Variants in ZPBP observed in about 807,000 individuals in gnomAD.
The protein encoded by ZPBP is zona pellucida binding protein.
In ZPBP, 26 loss-of-function variants were observed where a neutral mutation model predicts 44.8. The observed-to-expected ratio is 0.58, with a 90% confidence interval of 0.43 to 0.81. The LOEUF (loss-of-function observed/expected upper bound fraction) is 0.81. ZPBP is among the 30% of genes least tolerant of loss of function. ZPBP has a pLI of 0.00. For synonymous variants in ZPBP, 174 were observed against 153.2 expected (o/e 1.14, Z -1.00); for missense variants, 409 against 434.0 (o/e 0.94, Z 0.51).
At chr7:50,051,321 T>A (rs1800683080) in intron 4 of ZPBP, among the ~76,000 whole-genome samples, 1 of 152,158 alleles carries the variant, frequency 6.6e-6, no homozygotes, top group Non-Finnish European at 1.5e-5. Flanking sequence ...AGGAACACTT[T>A]TACACTGTTG....
chr7:49,897,657 A>T (rs971869942), intron 2 of ZPBP, among the ~76,000 whole-genome samples: 5 of 152,242 alleles, frequency 3.3e-5, no homozygotes, highest in Admixed American at 6.5e-5. Context: ...AGAGACCTGT[A>T]GGCAAATACA....
intron 7 of ZPBP, among the ~76,000 whole-genome samples, chr7:49,944,729 C>G (rs1795029348): frequency 6.6e-6 from 1 of 152,082 alleles, no homozygotes; most frequent in South Asian, 2.1e-4. Flanking sequence ...ACTGTTTTAT[C>G]TGATTTTATT....
intron 3 of ZPBP, among the ~76,000 whole-genome samples, 196 bp from the exon 4 acceptor site, chr7:50,058,337 A>G (rs1801074998): frequency 6.6e-6 from 1 of 152,206 alleles, no homozygotes; most frequent in Non-Finnish European, 1.5e-5. Flanking sequence ...GATGTTCACT[A>G]ATCAGAGTTC....
chr7:50,091,943 G>A (rs918757392), intron 1 of ZPBP, among the ~76,000 whole-genome samples: 1 of 152,242 alleles, frequency 6.6e-6, no homozygotes, highest in South Asian at 2.1e-4. Context: ...TTAAACTCTA[G>A]GAGCTTCAGT....
intron 6 of ZPBP, among the ~76,000 whole-genome samples, chr7:49,986,638 CT>C (rs57576804): frequency 0.028 from 4,151 of 150,112 alleles, 206 homozygotes; most frequent in African/African-American, 0.096. Flanking sequence ...AGCTGTTTTT[CT>C]TTTTTTTTTC....
At chr7:50,000,363 A>G (rs1256842490) in intron 6 of ZPBP, among the ~76,000 whole-genome samples, 1 of 152,202 alleles carries the variant, frequency 6.6e-6, no homozygotes, top group African/African-American at 2.4e-5. Flanking sequence ...ACTCTGAAAG[A>G]AAAGAAAATT....
At chr7:50,054,868 A>ACACAGAGCT (rs1380849311) in intron 4 of ZPBP, among the ~76,000 whole-genome samples, 1 of 152,298 alleles carries the variant, frequency 6.6e-6, no homozygotes, top group East Asian at 1.9e-4. Flanking sequence ...ACATACACAC[A>ACACAGAGCT]CACAGAGCTC....
At chr7:49,933,795 C>T (rs1794533315), downstream of ZPBP, among the ~76,000 whole-genome samples, 3 of 151,244 alleles carry the variant, frequency 2.0e-5, no homozygotes, top group South Asian at 2.1e-4. Flanking sequence ...AGCAAACTAT[C>T]GCAAGGACAA....
At position 49,877,907 on chromosome 7, in the gene ZPBP, T is replaced by C. The variant is rs553770979; in HGVS notation, n.509+23211A>G. Among the ~76,000 whole-genome samples the C allele has an allele frequency of 1.8e-4, 27 of 152,156 alleles. 1 individual carries two copies. In the South Asian group the frequency reaches 5.6e-3, roughly 32 times the overall value. ...CCTGACCTTGCATCTGGGCAAAATG[T>C]TTTGGGTCTAGTTGAAAAACATAGG... On this transcript the variant is annotated intron_variant and non_coding_transcript_variant, in intron 2 of 2. Coordinates refer to the ZPBP transcript ENST00000465922.
At chr7:50,018,424 A>G (rs1798926329) in intron 5 of ZPBP, 108 bp from the exon 6 acceptor site, 1 of 940,398 alleles carries the variant, frequency 1.1e-6, no homozygotes, top group East Asian at 2.7e-5. Flanking sequence ...TTCCATTAAA[A>G]TATTAAGCAA....
intron 1 of ZPBP, chr7:49,918,696 A>G (rs1793852620): frequency 6.6e-6 from 1 of 152,194 alleles, no homozygotes; most frequent in Admixed American, 6.5e-5. Flanking sequence ...CAAATTTCAT[A>G]TTCTTTTATC....
intron 6 of ZPBP, among the ~76,000 whole-genome samples, chr7:50,002,418 CATT>C (rs2128795480): frequency 1.3e-5 from 2 of 152,204 alleles, no homozygotes; most frequent in African/African-American, 4.8e-5. Context: ...GACAGGGTAT[CATT>C]ATGTTTCCCA....
At chr7:50,089,856 C>G in intron 1 of ZPBP, 147 bp from the exon 2 acceptor site, 1 of 664,278 alleles carries the variant, frequency 1.5e-6, no homozygotes, top group Non-Finnish European at 2.7e-6. Flanking sequence ...AACTCTATTC[C>G]CCCTCAGATG....
At chr7:49,989,630 A>T (rs1797472924) in intron 6 of ZPBP, among the ~76,000 whole-genome samples, 1 of 152,206 alleles carries the variant, frequency 6.6e-6, no homozygotes, top group South Asian at 2.1e-4. Context: ...ATTTGTCATC[A>T]AAATCTACAT....
Position 50,018,255 on chromosome 7 carries a change from G to A in ZPBP, c.768C>T (p.Tyr256=), listed in dbSNP as rs753970341. ...KRCTDHNCEP[Y]KRLFKAKNLI... is the part of the protein sequence containing the mutation. ...CATAACATACCTTAAAAAGTCTTTTGTAAGGTTCACAGTTATGGTCTGTAC... is the reference window on the plus strand; with the variant it reads ...CATAACATACCTTAAAAAGTCTTTTATAAGGTTCACAGTTATGGTCTGTAC... The change falls in exon 6 of 8, where the codon TAC becomes TAT. Residue 256 remains tyrosine, a synonymous_variant. Coordinates refer to ENST00000046087, the MANE Select transcript of ZPBP (RefSeq NM_007009.3). 1 of 1,610,080 alleles carries A rather than the reference G, an allele frequency of 6.2e-7. No individual in the cohort carries two copies. The highest frequency in any genetic ancestry group is 8.5e-7 in the Non-Finnish European group (1 of 1,178,422).
chr7:50,066,389 G>A (rs1331130968), intron 3 of ZPBP, among the ~76,000 whole-genome samples: 1 of 151,094 alleles, frequency 6.6e-6, no homozygotes, highest in Non-Finnish European at 1.5e-5. Context: ...CTGGTTGTAT[G>A]TGCAGGTTCC....
chr7:49,961,659 G>A (rs1192695053), intron 7 of ZPBP, among the ~76,000 whole-genome samples: 3 of 152,046 alleles, frequency 2.0e-5, no homozygotes, highest in Non-Finnish European at 4.4e-5. Flanking sequence ...CATTTATTTT[G>A]TGGTTATCAT....
chr7:50,051,474 A>G (rs1252134442), intron 4 of ZPBP, among the ~76,000 whole-genome samples: 1 of 152,210 alleles, frequency 6.6e-6, no homozygotes, highest in South Asian at 2.1e-4. Flanking sequence ...TTACGAGGAT[A>G]CATGCACTGA....
rs569619106 is a variant in ZPBP, at chr7:49,969,158, AT to A, written c.961+14183del. On this transcript the variant is annotated intron_variant, in intron 7 of 7. Transcript: ENST00000046087. ...ATTTATATATTTAGTATTTATACAT[AT>A]TTTTATACATACATATATAATACAA... Among the ~76,000 whole-genome samples the A allele has an allele frequency of 4.6e-3, 686 of 149,366 alleles. 4 individuals carry two copies. The highest frequency in any genetic ancestry group is 0.016 in the African/African-American group (647 of 41,060).
Sources: allele counts gnomAD v4.1 joint callset (sites outside exome capture counted in the v4.1 genomes callset), GRCh38; gene constraint gnomAD v4.1.1; transcripts MANE v1.5; gene names NCBI Gene and HGNC (gene_info 2026-07-23, HGNC 2026-07-21).